Variants in SPG7 observed in about 807,000 individuals in gnomAD.
SPG7 encodes the protein SPG7 matrix AAA peptidase subunit, paraplegin.
In SPG7, 103 loss-of-function variants were observed where a neutral mutation model predicts 81.9. The observed-to-expected ratio is 1.26, with a 90% confidence interval of 1.07 to 1.48. The LOEUF is 1.48. SPG7 is among the 40% of genes most tolerant of loss of function. The pLI, the probability that SPG7 is intolerant of heterozygous loss-of-function variation, is 0.00. For missense variants in SPG7, 1,241 were observed against 1,087.3 expected (o/e 1.14, Z -1.99); for synonymous variants, 534 against 444.2 (o/e 1.20, Z -2.54).
chr16:89,540,301 G>A (rs937646879), intron 9 of SPG7: 1 of 152,186 alleles, frequency 6.6e-6, no homozygotes, highest in Non-Finnish European at 1.5e-5. Flanking sequence ...GTAAAGAGCA[G>A]TGACCGGCCC....
intron 9 of SPG7, among the ~76,000 whole-genome samples, chr16:89,534,493 A>G (rs939735409): frequency 1.3e-5 from 2 of 152,226 alleles, no homozygotes; most frequent in Admixed American, 1.3e-4. Context: ...ATTTTTAATC[A>G]GAATTCTAGT....
chr16:89,550,201 C>A, intron 12 of SPG7: 1 of 381,706 alleles, frequency 2.6e-6, no homozygotes. Flanking sequence ...GAGACGGAGT[C>A]TTGCTCTGTC....
In SPG7 at chr16:89,529,909, A is replaced by C. The variant is rs561943723; in HGVS notation, c.861+330A>C. ...GGCTGGAGTGCAGCCGTGCGATCTC[A>C]GCTCACCGCAACTTGCACCTCCCGC... On this transcript the variant is annotated intron_variant, in intron 6 of 16. Coordinates refer to ENST00000645818, the MANE Select transcript of SPG7 (RefSeq NM_003119.4). The C allele has an allele frequency of 8.1e-6, 3 of 368,128 alleles. No homozygotes were observed. In the Admixed American group the frequency reaches 1.1e-4, roughly 14 times the overall value. The allele number at this position is 368,128 out of a possible 1,614,324, so 22.8% of individuals were successfully genotyped here.
At position 89,552,995 on chromosome 16, in the gene SPG7, G is replaced by A. The variant is rs149749852; in HGVS notation, c.1796G>A (p.Arg599Gln). 3.2e-5 allele frequency: 52 copies of A among 1,613,714 alleles called. No homozygotes were observed. The highest frequency in any genetic ancestry group is 1.5e-4 in the African/African-American group (11 of 74,894). Residue 599 changes from arginine to glutamine, a missense_variant, in exon 14 of 17, where the codon CGG becomes CAG. Transcript: ENST00000645818. Reference protein sequence around the residue: ...EAVMKVSITPRTNAALGFAQM... With the variant: ...EAVMKVSITPQTNAALGFAQM... ...TTGTGCCAGGTCTCCATAACCCCTC[G>A]GACAAACGCCGCCCTGGGCTTTGCT...
chr16:89,523,255 CATG>C (rs1309696206), intron 3 of SPG7: 4 of 224,376 alleles, frequency 1.8e-5, no homozygotes, highest in African/African-American at 9.2e-5. Context: ...CAGTGTATCT[CATG>C]ATATTTTTAA....
intron 10 of SPG7, chr16:89,546,180 A>G (rs1036912487): frequency 1.3e-5 from 4 of 296,704 alleles, no homozygotes; most frequent in African/African-American, 6.7e-5. Context: ...ACCATCTCCC[A>G]GGTTCAAGTG....
At chr16:89,521,219 G>A (rs575627714) in intron 3 of SPG7, 2 of 152,338 alleles carry the variant, frequency 1.3e-5, no homozygotes, top group East Asian at 1.9e-4. Flanking sequence ...GGAACCTAAG[G>A]AGCTTCAGCA....
chr16:89,553,558 A>C (rs2058657935), intron 14 of SPG7: 1 of 572,308 alleles, frequency 1.7e-6, no homozygotes, highest in Non-Finnish European at 3.1e-6. Context: ...AGTGAGCTCC[A>C]GTATGCCCCC....
chr16:89,556,122 C>T (rs1472028406), intron 16 of SPG7: 4 of 398,698 alleles, frequency 1.0e-5, no homozygotes, highest in African/African-American at 2.1e-5. Flanking sequence ...GGTGTGTCTG[C>T]CCCGTGTATG....
intron 14 of SPG7, 47 bp downstream of exon 14, chr16:89,553,182 CT>C (rs1420662094): frequency 1.3e-6 from 2 of 1,543,520 alleles, no homozygotes; most frequent in Non-Finnish European, 1.8e-6. Context: ...GCGCTTTTCC[CT>C]GCATGACTCC....
At chr16:89,546,006 AAC>A (rs2058558897) in intron 10 of SPG7, 3 of 407,330 alleles carry the variant, frequency 7.4e-6, no homozygotes, top group African/African-American at 2.1e-5. Context: ...GTTAATTTTT[AAC>A]AGAGTCTCGC....
At chr16:89,551,520 C>CT (rs1315047871) in intron 13 of SPG7, 2 of 152,332 alleles carry the variant, frequency 1.3e-5, no homozygotes, top group African/African-American at 4.8e-5. Flanking sequence ...GGGACCAGAG[C>CT]TAGGCCCACT....
At chr16:89,548,247 C>A in intron 12 of SPG7, 134 bp downstream of exon 12, 1 of 675,564 alleles carries the variant, frequency 1.5e-6, no homozygotes, top group Non-Finnish European at 2.7e-6. Flanking sequence ...TTCAGTTCTG[C>A]GTAACTCATG....
chr16:89,556,830 A>G (rs1398353963), intron 16 of SPG7, 57 bp from the exon 17 acceptor site: 10 of 1,372,354 alleles, frequency 7.3e-6, no homozygotes, highest in Middle Eastern at 1.9e-4. Flanking sequence ...TCCCCAGGAC[A>G]TAGAGATGCT....
At chr16:89,512,692 A>T (rs555510129) in intron 2 of SPG7, among the ~76,000 whole-genome samples, 52 of 152,350 alleles carry the variant, frequency 3.4e-4, no homozygotes, top group African/African-American at 1.1e-3. Context: ...ACTATTTTTT[A>T]TTCCCTCACA....
chr16:89,551,309 A>G (rs903613642), intron 13 of SPG7: 1 of 162,394 alleles, frequency 6.2e-6, no homozygotes, highest in Non-Finnish European at 1.4e-5. Flanking sequence ...CTCAGGGTTC[A>G]CTGCAAACAA....
intron 11 of SPG7, 32 bp downstream of exon 11, chr16:89,546,792 C>T (rs1342307560): frequency 6.8e-7 from 1 of 1,468,124 alleles, no homozygotes; most frequent in East Asian, 2.3e-5. Flanking sequence ...TGGGCAGCGT[C>T]ACGTCCTGAG....
intron 11 of SPG7, chr16:89,547,183 T>G (rs2058575285): frequency 4.3e-6 from 1 of 231,652 alleles, no homozygotes; most frequent in African/African-American, 2.2e-5. Flanking sequence ...GCTGTGTGGT[T>G]CACATTTTAA....
intron 9 of SPG7, 121 bp from the exon 10 acceptor site, chr16:89,544,527 C>T: frequency 8.4e-7 from 1 of 1,193,434 alleles, no homozygotes; most frequent in Non-Finnish European, 1.2e-6. Flanking sequence ...CGGGCTGTTC[C>T]TTTCTCTCTG....
Sources: allele counts gnomAD v4.1 joint callset (sites outside exome capture counted in the v4.1 genomes callset), GRCh38; gene constraint gnomAD v4.1.1; transcripts MANE v1.5; gene names NCBI Gene and HGNC (gene_info 2026-07-23, HGNC 2026-07-21).